SLC35F4: variants seen among roughly 807,000 people sequenced by gnomAD.
SLC35F4 encodes the protein solute carrier family 35 member F4, also known as chromosome 14 open reading frame 36.
In SLC35F4, 24 loss-of-function variants were observed where a neutral mutation model predicts 44.2. The observed-to-expected ratio is 0.54, with a 90% confidence interval of 0.39 to 0.76. The LOEUF is 0.76. Ranked by LOEUF, SLC35F4 falls within the 30% of genes least tolerant of loss-of-function variation. The pLI is 0.00. For missense variants in SLC35F4, 562 were observed against 586.1 expected (o/e 0.96, Z 0.42); for synonymous variants, 238 against 223.6 (o/e 1.06, Z -0.57).
chr14:57,848,933 A>C (rs1189665647), intron 1 of SLC35F4, among the ~76,000 whole-genome samples: 9 of 152,188 alleles, frequency 5.9e-5, no homozygotes, highest in Non-Finnish European at 1.3e-4. Flanking sequence ...CATGAAATTC[A>C]TGCTGCCTGC....
chr14:57,974,880 C>T (rs1390763948), downstream of SLC35F4, among the ~76,000 whole-genome samples: 7 of 152,244 alleles, frequency 4.6e-5, no homozygotes, highest in African/African-American at 1.4e-4. Flanking sequence ...GCTTGATGGA[C>T]CATATAAAAA....
At chr14:57,668,319 A>G (rs1440898899) in intron 1 of SLC35F4, among the ~76,000 whole-genome samples, 1 of 151,158 alleles carries the variant, frequency 6.6e-6, no homozygotes, top group Non-Finnish European at 1.5e-5. Context: ...TGCTGTGCAG[A>G]AGCTCTTTAG....
chr14:57,631,050 T>C (rs2072746106), intron 1 of SLC35F4: 1 of 169,916 alleles, frequency 5.9e-6, no homozygotes, highest in Non-Finnish European at 1.2e-5. Flanking sequence ...AACCTAGAAA[T>C]GTAGCTTGTT....
At chr14:57,637,425 G>C (rs969924030) in intron 1 of SLC35F4, among the ~76,000 whole-genome samples, 2 of 152,128 alleles carry the variant, frequency 1.3e-5, no homozygotes, top group African/African-American at 4.8e-5. Flanking sequence ...CTTTCTGGAG[G>C]AAGCTGTTGC....
At chr14:57,777,642 C>T (rs1048709438) in intron 1 of SLC35F4, among the ~76,000 whole-genome samples, 1 of 151,604 alleles carries the variant, frequency 6.6e-6, no homozygotes, top group East Asian at 1.9e-4. Flanking sequence ...GGGTGAGGGG[C>T]TGGGGGAGGG....
At position 57,865,995 on chromosome 14, in the gene SLC35F4, G is replaced by A. The variant is rs1440557797; in HGVS notation, c.-170C>T. ...AGCACCGGCTCCGCATCACAGCGGC[G>A]GCGGCGGCGGCGGCGGCGGAGCGGC... is the stretch of plus-strand genomic sequence containing the variant. On this transcript the variant is annotated 5_prime_UTR_variant, in exon 1 of 8. Transcript: ENST00000556826. 2.9e-6 allele frequency: 1 copy of A among 348,880 alleles called. No homozygotes were observed. Among genetic ancestry groups the A allele is most frequent in the Non-Finnish European group, 5.0e-6 (1 of 200,958 alleles). The allele number at this position is 348,880 out of a possible 1,614,324, so 21.6% of individuals were successfully genotyped here. A position where few individuals can be genotyped will look rare whatever the true frequency, so the allele number is the denominator to read the frequency against.
intron 1 of SLC35F4, among the ~76,000 whole-genome samples, chr14:57,779,499 G>C (rs1262395680): frequency 6.6e-6 from 1 of 151,432 alleles, no homozygotes; most frequent in African/African-American, 2.4e-5. Flanking sequence ...AAATGTACCA[G>C]ATGTACAAAG....
Position 57,740,783 on chromosome 14 carries a change from C to T in SLC35F4, c.103+124940G>A, listed in dbSNP as rs2076586302. On this transcript the variant is annotated intron_variant, in intron 1 of 7. Coordinates refer to ENST00000556826, the MANE Select transcript of SLC35F4 (RefSeq NM_001306087.2). ...AAAACTATGTACATCTGTTACGCAC[C>T]AATAAAAATGCTTTTAAAAGATCTG... Among the ~76,000 whole-genome samples the T allele has an allele frequency of 1.3e-5, 2 of 152,238 alleles. 1 individual carries two copies. Among genetic ancestry groups the T allele is most frequent in the South Asian group, 4.2e-4 (2 of 4,816 alleles).
intron 1 of SLC35F4, among the ~76,000 whole-genome samples, chr14:57,678,155 T>A (rs1159127108): frequency 1.3e-5 from 2 of 152,044 alleles, no homozygotes; most frequent in African/African-American, 4.8e-5. Context: ...GGGAAGCCTA[T>A]CAGACAAACA....
At chr14:57,967,933 A>G (rs1296165706) in intron 1 of SLC35F4, among the ~76,000 whole-genome samples, 1 of 152,244 alleles carries the variant, frequency 6.6e-6, no homozygotes, top group Non-Finnish European at 1.5e-5. Context: ...TAAAAGTCAA[A>G]TAAATCTATA....
chr14:57,853,059 T>C (rs1012660510), intron 1 of SLC35F4, among the ~76,000 whole-genome samples: 5 of 152,192 alleles, frequency 3.3e-5, no homozygotes, highest in Admixed American at 6.5e-5. Flanking sequence ...CATCCTCAAT[T>C]ACTGTACATT....
chr14:57,745,540 T>G (rs981568162), intron 1 of SLC35F4, among the ~76,000 whole-genome samples: 3 of 152,118 alleles, frequency 2.0e-5, no homozygotes, highest in African/African-American at 7.2e-5. Context: ...TGAGATTCCA[T>G]CTCACACCAG....
At position 57,808,653 on chromosome 14, in the gene SLC35F4, A is replaced by G. The variant is rs184929219; in HGVS notation, c.103+57070T>C. On this transcript the variant is annotated intron_variant, in intron 1 of 7. Coordinates refer to ENST00000556826, the MANE Select transcript of SLC35F4 (RefSeq NM_001306087.2). ...TTTCTATAAAAAATTAAATTAAAAA[A>G]CCATTTTCTGGGTGTGGTGGTGCAA... Among the ~76,000 whole-genome samples, 128 of 149,508 alleles carry G rather than the reference A, an allele frequency of 8.6e-4. 5 individuals are homozygous for G. Among genetic ancestry groups the G allele is most frequent in the African/African-American group, 3.1e-3 (122 of 38,946 alleles).
intron 1 of SLC35F4, among the ~76,000 whole-genome samples, chr14:57,734,854 C>T (rs1309509132): frequency 6.6e-6 from 1 of 152,154 alleles, no homozygotes; most frequent in South Asian, 2.1e-4. Context: ...GACTTCATTG[C>T]CTATGAAACC....
At chr14:57,982,513 C>T (rs1482747605), upstream of SLC35F4, among the ~76,000 whole-genome samples, 1 of 151,900 alleles carries the variant, frequency 6.6e-6, no homozygotes, top group Non-Finnish European at 1.5e-5. Flanking sequence ...TCAGAAAAGC[C>T]AACGAGAGCC....
At chr14:57,913,580 A>C (rs1889258687) in intron 1 of SLC35F4, among the ~76,000 whole-genome samples, 1 of 152,180 alleles carries the variant, frequency 6.6e-6, no homozygotes, top group African/African-American at 2.4e-5. Context: ...CATAATAACA[A>C]AATAACATTA....
intron 1 of SLC35F4, among the ~76,000 whole-genome samples, chr14:57,695,412 A>G (rs1254054183): frequency 6.6e-6 from 1 of 151,796 alleles, no homozygotes. Context: ...CAAAAAACAC[A>G]TGAAAAAACG....
At chr14:57,871,590 T>G (rs147449293) in intron 1 of SLC35F4, among the ~76,000 whole-genome samples, 4 of 152,312 alleles carry the variant, frequency 2.6e-5, no homozygotes, top group African/African-American at 9.6e-5. Context: ...TCTGTAACAT[T>G]AACTGCTAAA....
At chr14:57,599,802 GAAA>G (rs34667001) in intron 1 of SLC35F4, among the ~76,000 whole-genome samples, 7 of 126,332 alleles carry the variant, frequency 5.5e-5, no homozygotes, top group African/African-American at 9.0e-5. Flanking sequence ...ACTCTGTCTT[GAAA>G]AAAAAAAAAA....
Sources: gnomAD v4.1 joint callset for allele counts (sites outside exome capture counted in the v4.1 genomes callset) on GRCh38, gnomAD v4.1.1 for gene constraint, MANE v1.5 for transcripts, NCBI Gene and HGNC (gene_info 2026-07-23, HGNC 2026-07-21) for gene names.